Variants in NDST2 observed in about 807,000 individuals in gnomAD.
The protein encoded by NDST2 is N-deacetylase and N-sulfotransferase 2.
In NDST2, 32 loss-of-function variants were observed where a neutral mutation model predicts 86.9. The observed-to-expected ratio is 0.37, with a 90% confidence interval of 0.28 to 0.49. The LOEUF is 0.49. Among genes scored for constraint, NDST2 ranks in the 20% least tolerant of loss-of-function variants. NDST2 has a pLI of 0.97. For synonymous variants in NDST2, 409 were observed against 437.0 expected (o/e 0.94, Z 0.80); for missense variants, 950 against 1,146.9 (o/e 0.83, Z 2.48).
chr10:73,807,859 TG>T lies in NDST2; in HGVS notation c.529del (p.His177ThrfsTer4). The T allele has an allele frequency of 6.3e-7, 1 of 1,584,890 alleles. No homozygotes were observed. The highest frequency in any genetic ancestry group is 8.6e-7 in the Non-Finnish European group (1 of 1,162,530). ...GIIGFFRAHE[H>X]SLLSAQLKGF... is the part of the protein sequence containing the mutation. The stretch of plus-strand genomic sequence containing the variant: ...CTTGAGCTGGGCGCTCAGTAGGCTG[TG>T]CTCGTGGGCTCGGAAAAAGCCAATG... On this transcript the variant is annotated frameshift_variant, in exon 3 of 15. Coordinates refer to ENST00000309979, the MANE Select transcript of NDST2 (RefSeq NM_003635.4). LOFTEE classifies it high-confidence loss of function.
At position 73,805,889 on chromosome 10, in the gene NDST2, C is replaced by T. The variant is rs780173136; in HGVS notation, c.1563+11G>A. On this transcript the variant is annotated intron_variant, in intron 7 of 14. Coordinates refer to ENST00000309979, the MANE Select transcript of NDST2 (RefSeq NM_003635.4). ...TCTCCAATCTTCTAGCCGTTCCTCT[C>T]AGCACCTTACCGGATTAAGCAGCAC... 28 of 1,614,214 alleles carry T rather than the reference C, an allele frequency of 1.7e-5. No homozygotes were observed. The highest frequency in any genetic ancestry group is 1.2e-4 in the South Asian group (11 of 91,072).
In NDST2 at chr10:73,807,204, A is replaced by G. The variant is rs2132871592; in HGVS notation, c.1006-9T>C. On this transcript the variant is annotated splice_polypyrimidine_tract_variant and intron_variant, in intron 3 of 14. Coordinates refer to ENST00000309979, the MANE Select transcript of NDST2 (RefSeq NM_003635.4). ...TGGGTGGTCAACAGAGCCTGGGAAG[A>G]GTAGCAGGGACAAGAGAAATCAGGA... The G allele has an allele frequency of 6.2e-7, 1 of 1,611,078 alleles. No individual in the cohort carries two copies. The highest frequency in any genetic ancestry group is 1.3e-5 in the African/African-American group (1 of 74,940).
chr10:73,805,499 G>T, intron 8 of NDST2, 88 bp downstream of exon 8: 1 of 1,305,508 alleles, frequency 7.7e-7, no homozygotes, highest in Non-Finnish European at 1.1e-6. Context: ...GGGTGACAGA[G>T]CGAGATTCTG....
intron 1 of NDST2, 49 bp from the exon 2 acceptor site, chr10:73,810,952 G>A (rs1043103613): frequency 7.5e-6 from 3 of 398,618 alleles, no homozygotes; most frequent in African/African-American, 4.1e-5. Context: ...AGCGCCGCAG[G>A]CCGGGCCAGT....
chr10:73,806,647 A>C lies in NDST2; in HGVS notation c.1248+10T>G. 6.2e-7 allele frequency: 1 copy of C among 1,610,048 alleles called. No individual in the cohort carries two copies. Among genetic ancestry groups the C allele is most frequent in the Non-Finnish European group, 8.5e-7 (1 of 1,176,510 alleles). On this transcript the variant is annotated intron_variant, in intron 5 of 14. Transcript: ENST00000309979. The surrounding 1 kb of genome is among the most constrained non-coding windows in gnomAD (Gnocchi z 4.5). ...GGAGAAATTATGGGGAAGAGATCCA[A>C]GGGTCTCACCAGAGCAAACTGTTTG... is the stretch of plus-strand genomic sequence containing the variant.
At chr10:73,804,222 A>C in intron 9 of NDST2, 1 of 561,296 alleles carries the variant, frequency 1.8e-6, no homozygotes, top group Non-Finnish European at 3.1e-6. Context: ...CACCAGAATG[A>C]CTTGTGATCT....
Position 73,805,752 on chromosome 10 carries a change from G to T in NDST2, c.1581C>A (p.Thr527=). 6.2e-7 allele frequency: 1 copy of T among 1,614,194 alleles called. No homozygotes were observed. The highest frequency in any genetic ancestry group is 2.2e-5 in the East Asian group (1 of 44,888). The change falls in exon 8 of 15, where the codon ACC becomes ACA. Residue 527 remains threonine, a synonymous_variant. Transcript: ENST00000309979. The part of the protein sequence containing the change: ...VLLNPISIFM[T]HLSNYGNDRL... Reference sequence around the variant, plus strand: ...GGTCATTTCCATAATTGGACAGATGGGTCATAAAGATGCTGATCTGTAAGG... The same window carrying T: ...GGTCATTTCCATAATTGGACAGATGTGTCATAAAGATGCTGATCTGTAAGG...
At position 73,811,515 on chromosome 10, in the gene NDST2, C is replaced by G. The variant is rs1442644141; in HGVS notation, c.-488G>C. The G allele has an allele frequency of 6.6e-6, 1 of 151,988 alleles. No homozygotes were observed. Among genetic ancestry groups the G allele is most frequent in the East Asian group, 1.9e-4 (1 of 5,136 alleles). 9.4% of individuals were successfully genotyped at this position (151,988 alleles called of 1,614,324 possible). A position where few individuals can be genotyped will look rare whatever the true frequency, so the allele number is the denominator to read the frequency against. ...CGTCCCCGCTGTCCCCGGGCTCCGC[C>G]GCGTCCCGGGGCTGCCCGGCTTCCC... On this transcript the variant is annotated 5_prime_UTR_variant, in exon 1 of 15. Coordinates refer to ENST00000309979, the MANE Select transcript of NDST2 (RefSeq NM_003635.4).
rs1030805731 is a variant in NDST2, at chr10:73,802,225, G to A, written c.*226C>T. On this transcript the variant is annotated 3_prime_UTR_variant, in exon 15 of 15. Coordinates refer to ENST00000309979, the MANE Select transcript of NDST2 (RefSeq NM_003635.4). ...TTCCTCCCCACCTCCCAAGATGATG[G>A]GTCAAAGGTACCTAGCACTATTATG... 1.7e-6 allele frequency: 1 copy of A among 595,250 alleles called. No homozygotes were observed. Among genetic ancestry groups the A allele is most frequent in the Non-Finnish European group, 3.0e-6 (1 of 336,826 alleles). 36.9% of individuals were successfully genotyped at this position (595,250 alleles called of 1,614,324 possible).
In NDST2 at chr10:73,806,125, G is replaced by T; in HGVS notation, c.1435-97C>A. On this transcript the variant is annotated intron_variant, in intron 6 of 14. Coordinates refer to ENST00000309979, the MANE Select transcript of NDST2 (RefSeq NM_003635.4). The surrounding 1 kb of genome is among the most constrained non-coding windows in gnomAD (Gnocchi z 4.5). Reference sequence around the variant, plus strand: ...ATAGAGGACTGAGTCTGAAGTTATAGCAATAAAGCTCTTACTGAGGGTGTT... The same window carrying T: ...ATAGAGGACTGAGTCTGAAGTTATATCAATAAAGCTCTTACTGAGGGTGTT... The T allele has an allele frequency of 6.5e-7, 1 of 1,544,650 alleles. No individual in the cohort carries two copies. Among genetic ancestry groups the T allele is most frequent in the Non-Finnish European group, 8.8e-7 (1 of 1,131,118 alleles).
At chr10:73,810,756 T>C (rs960308442) in intron 2 of NDST2, 43 bp downstream of exon 2, 4 of 398,648 alleles carry the variant, frequency 1.0e-5, no homozygotes, top group Non-Finnish European at 1.8e-5. Flanking sequence ...ACATGCTCCA[T>C]TATCCCCATT....
rs2083997841 is a variant in NDST2, at chr10:73,802,292, G to A, written c.*159C>T. 1.4e-6 allele frequency: 1 copy of A among 724,858 alleles called. No homozygotes were observed. 44.9% of individuals were successfully genotyped at this position (724,858 alleles called of 1,614,324 possible). ...GCCCCTTTATTTGTCCCAGAACTGT[G>A]GGAAAAGGATACCCTTCCCTTCTCA... On this transcript the variant is annotated 3_prime_UTR_variant, in exon 15 of 15. Transcript: ENST00000309979.
chr10:73,805,963 G>A lies in NDST2; in HGVS notation c.1500C>T (p.Gly500=). 1.2e-6 allele frequency: 2 copies of A among 1,614,224 alleles called. No individual in the cohort carries two copies. The highest frequency in any genetic ancestry group is 1.7e-6 in the Non-Finnish European group (2 of 1,180,048). ...HTIFYNEYPG[G]SRELDRSIRG... is the part of the protein sequence containing the mutation. ...GGATGCTCCGGTCTAGTTCACGAGAGCCTCCAGGATACTCATTATAGAAGA... is the reference window on the plus strand; with the variant it reads ...GGATGCTCCGGTCTAGTTCACGAGAACCTCCAGGATACTCATTATAGAAGA... Residue 500 remains glycine (G), a synonymous_variant, in exon 7 of 15, where the codon GGC becomes GGT. Transcript: ENST00000309979.
At chr10:73,805,453 G>T in intron 8 of NDST2, 134 bp downstream of exon 8, 1 of 820,368 alleles carries the variant, frequency 1.2e-6, no homozygotes, top group Non-Finnish European at 1.9e-6. Flanking sequence ...GGTGGAGGTT[G>T]CAATGAGCAG....
chr10:73,810,164 T>G (rs1431986887), intron 2 of NDST2, among the ~76,000 whole-genome samples: 1 of 152,044 alleles, frequency 6.6e-6, no homozygotes, highest in Non-Finnish European at 1.5e-5. Flanking sequence ...AGAGATGATT[T>G]AAAAACAGTT....
In NDST2 at chr10:73,808,026, T is replaced by A. The variant is rs754531983; in HGVS notation, c.363A>T (p.Arg121=). The change falls in exon 3 of 15, where the codon CGA becomes CGT. Residue 121 remains arginine, a synonymous_variant. Transcript: ENST00000309979. This position sits in a 1 kb window ranked among gnomAD's most constrained non-coding sequence, Gnocchi z 4.3. ...FRYSTELAPG[R]GDMPTLTDNT... ...TATCAGTCAATGTGGGCATGTCCCC[T>A]CGGCCAGGTGCCAACTCAGTGCTAT... The A allele has an allele frequency of 6.2e-7, 1 of 1,614,224 alleles. No individual in the cohort carries two copies. The highest frequency in any genetic ancestry group is 8.5e-7 in the Non-Finnish European group (1 of 1,180,042).
chr10:73,802,947 C>T, intron 13 of NDST2, 25 bp downstream of exon 13: 22 of 1,606,468 alleles, frequency 1.4e-5, no homozygotes, highest in Non-Finnish European at 1.9e-5. Context: ...ATACAGTACT[C>T]CTCCCCTGGG....
At chr10:73,809,344 C>A (rs911510960) in intron 2 of NDST2, among the ~76,000 whole-genome samples, 1 of 152,192 alleles carries the variant, frequency 6.6e-6, no homozygotes, top group African/African-American at 2.4e-5. Context: ...AGTTTCCAAA[C>A]CCAGAAATTA....
At chr10:73,809,532 A>G (rs1418833690) in intron 2 of NDST2, among the ~76,000 whole-genome samples, 1 of 152,132 alleles carries the variant, frequency 6.6e-6, no homozygotes, top group African/African-American at 2.4e-5. Context: ...TAGTTCTACA[A>G]CCCTATTCCT....
Sources: gnomAD v4.1 joint callset for allele counts (sites outside exome capture counted in the v4.1 genomes callset) on GRCh38, gnomAD v4.1.1 for gene constraint, Gnocchi (gnomAD v3.1) non-coding constraint, MANE v1.5 for transcripts, NCBI Gene and HGNC (gene_info 2026-07-23, HGNC 2026-07-21) for gene names.